The following CEP192 variants were observed in gnomAD, a reference collection of about 807,000 sequenced individuals.
CEP192 encodes centrosomal protein of 192 kDa.
Under a neutral mutation model 271.8 loss-of-function variants are expected in CEP192, and 151 were observed. That is an observed-to-expected ratio of 0.56 (90% CI 0.49 to 0.64). CEP192 has a LOEUF of 0.64. Among genes scored for constraint, CEP192 ranks in the 30% least tolerant of loss-of-function variants. The probability of loss-of-function intolerance (pLI) is 0.00; values close to 1 mark genes in which losing one functional copy is unlikely to be tolerated. For synonymous variants in CEP192, 995 were observed against 1,076.5 expected (o/e 0.92, Z 1.48); for missense variants, 2,910 against 3,020.5 (o/e 0.96, Z 0.86).
chr18:13,019,216 G>A lies in CEP192; in HGVS notation c.1050+10G>A, dbSNP rs1444094628. On this transcript the variant is annotated intron_variant, in intron 9 of 44. Coordinates refer to ENST00000506447, the MANE Select transcript of CEP192 (RefSeq NM_032142.4). The stretch of plus-strand genomic sequence containing the variant: ...TCCAGATCTTAACAGTGTAAGTTAT[G>A]CATTTTTCTTAGATTTCCTATAAAA... 6.8e-7 allele frequency: 1 copy of A among 1,476,394 alleles called. No individual in the cohort carries two copies. 91.5% of individuals were successfully genotyped at this position (1,476,394 alleles called of 1,614,324 possible). A position where few individuals can be genotyped will look rare whatever the true frequency, so the allele number is the denominator to read the frequency against.
intron 21 of CEP192, 83 bp downstream of exon 21, chr18:13,059,395 G>T: frequency 8.8e-7 from 1 of 1,136,004 alleles, no homozygotes; most frequent in Non-Finnish European, 1.3e-6. Flanking sequence ...TTGGGAAAAA[G>T]AAATTTGTGG....
At chr18:13,116,610 A>G (rs940336808) in intron 43 of CEP192, 107 bp downstream of exon 43, 6 of 1,185,972 alleles carry the variant, frequency 5.1e-6, no homozygotes, top group Non-Finnish European at 5.8e-6. Context: ...TGTAAGAATG[A>G]GGTAATTTTT....
At chr18:13,070,423 T>G (rs147631293) in intron 27 of CEP192, among the ~76,000 whole-genome samples, 1 of 152,332 alleles carries the variant, frequency 6.6e-6, no homozygotes, top group East Asian at 1.9e-4. Flanking sequence ...AAAGATCAAT[T>G]TGATGTTTCT....
chr18:13,095,557 A>G lies in CEP192; in HGVS notation c.6309A>G (p.Pro2103=), dbSNP rs751139900. Residue 2103 remains proline (P), a synonymous_variant, in exon 35 of 45, where the codon CCA becomes CCG. Coordinates refer to ENST00000506447, the MANE Select transcript of CEP192 (RefSeq NM_032142.4). ...HGGNVSLDVL[P]VKGPQGSPLL... ...GCAACGTCTCTTTGGATGTTTTACC[A>G]GTCAAAGGTCCTCAGGGTTCTCCTC... 6.2e-7 allele frequency: 1 copy of G among 1,614,074 alleles called. No homozygotes were observed. The highest frequency in any genetic ancestry group is 8.5e-7 in the Non-Finnish European group (1 of 1,180,030).
Position 13,068,150 on chromosome 18 carries a change from G to GGAA in CEP192, c.4673_4675dup (p.Glu1558dup). On this transcript the variant is annotated inframe_insertion, in exon 23 of 45. Transcript: ENST00000506447. ...CCAAGGAATCCGTCCGAGCTCCTGT[G>GGAA]GAAGTTGCTCCTTGCGCTGATGTGG... is the stretch of plus-strand genomic sequence containing the variant. 1 of 1,614,226 alleles carries GGAA rather than the reference G, an allele frequency of 6.2e-7. No individual in the cohort carries two copies. Among genetic ancestry groups the GGAA allele is most frequent in the Non-Finnish European group, 8.5e-7 (1 of 1,180,028 alleles).
At chr18:13,106,369 A>C (rs1463353831) in intron 40 of CEP192, among the ~76,000 whole-genome samples, 3 of 151,308 alleles carry the variant, frequency 2.0e-5, no homozygotes, top group Admixed American at 1.3e-4. Context: ...GCCACACCCC[A>C]CACAGCTACC....
At position 13,099,483 on chromosome 18, in the gene CEP192, C is replaced by A; in HGVS notation, c.6565C>A (p.Leu2189Ile). ...QHGCVAPESK[L>I]QILVSPNSSL... ...TATTAATTTTTTTTAAAGGAGTAAA[C>A]TACAAATTCTTGTGAGTCCTAATTC... Residue 2189 changes from leucine to isoleucine, a missense_variant, in exon 37 of 45, where the codon CTA (leucine) becomes ATA (isoleucine). By Grantham distance (5) the Leu-to-Ile change is conservative. Coordinates refer to ENST00000506447, the MANE Select transcript of CEP192 (RefSeq NM_032142.4). 1 of 1,545,694 alleles carries A rather than the reference C, an allele frequency of 6.5e-7. No individual in the cohort carries two copies. Among genetic ancestry groups the A allele is most frequent in the South Asian group, 1.2e-5 (1 of 83,844 alleles).
intron 40 of CEP192, among the ~76,000 whole-genome samples, chr18:13,109,179 G>A (rs2040092408): frequency 6.6e-6 from 1 of 152,202 alleles, no homozygotes; most frequent in Admixed American, 6.5e-5. Context: ...TGAAGAAATG[G>A]TGGATTGGTA....
At chr18:13,068,737 A>G (rs1002320607) in intron 24 of CEP192, 115 bp from the exon 25 acceptor site, 7 of 1,041,978 alleles carry the variant, frequency 6.7e-6, no homozygotes, top group Non-Finnish European at 8.5e-6. Context: ...TCTTTAAAAA[A>G]TCTGCTTGCC....
intron 3 of CEP192, among the ~76,000 whole-genome samples, chr18:13,006,271 G>T (rs1406273124): frequency 3.3e-5 from 5 of 149,666 alleles, no homozygotes; most frequent in Non-Finnish European, 7.4e-5. Flanking sequence ...CTCTTTTTTT[G>T]ACCTTTTTTT....
chr18:13,057,800 A>G, intron 20 of CEP192, 67 bp downstream of exon 20: 1 of 1,490,014 alleles, frequency 6.7e-7, no homozygotes, highest in Non-Finnish European at 9.3e-7. Context: ...GATTTCCCCC[A>G]TCTCTAGTGC....
At position 13,001,632 on chromosome 18, in the gene CEP192, G is replaced by A. The variant is rs988185284; in HGVS notation, c.290+50G>A. The A allele has an allele frequency of 1.0e-5, 15 of 1,462,442 alleles. No individual in the cohort carries two copies. The South Asian group carries it at 1.2e-4, about 12-fold the overall frequency. The allele number at this position is 1,462,442 out of a possible 1,614,324, so 90.6% of individuals were successfully genotyped here. ...GTACTGTGTTAAAAGTGGGTCTTAC[G>A]CAGTCTTGTGGAAAATGACAATGTG... On this transcript the variant is annotated intron_variant, in intron 3 of 44. Transcript: ENST00000506447.
At chr18:13,055,658 A>AT (rs910057259) in intron 18 of CEP192, 122 bp from the exon 19 acceptor site, 24 of 642,704 alleles carry the variant, frequency 3.7e-5, no homozygotes, top group Non-Finnish European at 5.3e-5. Context: ...GTGTAAACCA[A>AT]TTTTTTTTCA....
intron 1 of CEP192, among the ~76,000 whole-genome samples, chr18:12,992,308 C>A (rs11873391): frequency 0.037 from 5,608 of 152,248 alleles, 326 homozygotes; most frequent in African/African-American, 0.13. Context: ...TAAAGTATAT[C>A]TTAAAGTGCC....
chr18:13,073,166 A>C lies in CEP192; in HGVS notation c.5597A>C (p.Gln1866Pro). 2 of 1,610,192 alleles carry C rather than the reference A, an allele frequency of 1.2e-6. No individual in the cohort carries two copies. Among genetic ancestry groups the C allele is most frequent in the Non-Finnish European group, 8.5e-7 (1 of 1,178,874 alleles). ...LEIKQLGNRS[Q>P]PGIKFTIPLS... is the part of the protein sequence containing the mutation. ...ATCAAACAACTTGGAAATCGATCAC[A>C]ACCAGGCATTAAGTTCACAGTAAGA... Residue 1866 changes from glutamine (Q) to proline (P), a missense_variant, in exon 30 of 45, where the codon CAA becomes CCA. Gln to Pro is a moderately conservative substitution (Grantham distance 76). Coordinates refer to ENST00000506447, the MANE Select transcript of CEP192 (RefSeq NM_032142.4).
At chr18:12,996,253 T>G (rs1421811798) in intron 1 of CEP192, among the ~76,000 whole-genome samples, 1 of 152,040 alleles carries the variant, frequency 6.6e-6, no homozygotes, top group Non-Finnish European at 1.5e-5. Context: ...CTGGGCAGGT[T>G]GTTAATGTAT....
intron 40 of CEP192, among the ~76,000 whole-genome samples, chr18:13,107,343 T>A (rs570615775): frequency 1.5e-3 from 224 of 152,294 alleles, no homozygotes; most frequent in African/African-American, 5.0e-3. Flanking sequence ...AAAATTTTTT[T>A]AATAAAATAA....
At position 13,049,090 on chromosome 18, in the gene CEP192, C is replaced by A; in HGVS notation, c.2299C>A (p.Pro767Thr). The change falls in exon 16 of 45, where the codon CCT becomes ACT. Residue 767 changes from proline (P) to threonine (T), a missense_variant. Pro to Thr is a conservative substitution (Grantham distance 38, BLOSUM62 -1). Coordinates refer to ENST00000506447, the MANE Select transcript of CEP192 (RefSeq NM_032142.4). Reference sequence around the variant, plus strand: ...CTATTCTCATGTGCGTCATTTCTTACCTAATGATTTAGAAAAAAGTAATGG... The same window carrying A: ...CTATTCTCATGTGCGTCATTTCTTAACTAATGATTTAGAAAAAAGTAATGG... ...KDYSHVRHFL[P>T]NDLEKSNGSN... 6.2e-7 allele frequency: 1 copy of A among 1,613,774 alleles called. No individual in the cohort carries two copies. Among genetic ancestry groups the A allele is most frequent in the Non-Finnish European group, 8.5e-7 (1 of 1,179,758 alleles).
intron 40 of CEP192, among the ~76,000 whole-genome samples, chr18:13,106,611 A>G (rs2039965595): frequency 6.6e-6 from 1 of 151,188 alleles, no homozygotes; most frequent in Admixed American, 6.6e-5. Flanking sequence ...ACCACTCACC[A>G]CTGCTGTCAC....
Sources: gnomAD v4.1 joint callset for allele counts (sites outside exome capture counted in the v4.1 genomes callset) on GRCh38, gnomAD v4.1.1 for gene constraint, MANE v1.5 for transcripts, NCBI Gene and HGNC (gene_info 2026-07-23, HGNC 2026-07-21) for gene names.